RAB3C: variants seen among roughly 807,000 people sequenced by gnomAD.
RAB3C encodes the protein RAB3C, member RAS oncogene family, also known as ras-related protein Rab-3C.
A neutral mutation model predicts 26.4 loss-of-function variants in RAB3C; 17 were observed. The ratio of observed to expected loss-of-function variants is 0.64; its 90% CI spans 0.44 to 0.97. The LOEUF is 0.97. Ranked by LOEUF, RAB3C falls within the 50% of genes least tolerant of loss-of-function variation. The pLI, the probability that RAB3C is intolerant of heterozygous loss-of-function variation, is 0.00. For synonymous variants in RAB3C, 91 were observed against 95.9 expected, an observed-to-expected ratio of 0.95 and a Z score of 0.30; for missense variants, 242 against 281.9, an observed-to-expected ratio of 0.86 and a Z score of 1.01.
At chr5:58,613,592 AT>A (rs766681116) in intron 1 of RAB3C, among the ~76,000 whole-genome samples, 2 of 152,162 alleles carry the variant, frequency 1.3e-5, no homozygotes, top group Non-Finnish European at 2.9e-5. Flanking sequence ...TCATAAAAAA[AT>A]AAGTTGTCAA....
chr5:58,768,001 C>T (rs1252276690), intron 3 of RAB3C, among the ~76,000 whole-genome samples: 1 of 152,060 alleles, frequency 6.6e-6, no homozygotes, highest in Non-Finnish European at 1.5e-5. Context: ...AAAGCCAGCC[C>T]CTGACACAGT....
At chr5:58,712,164 AG>A (rs1366947303) in intron 2 of RAB3C, among the ~76,000 whole-genome samples, 1 of 152,052 alleles carries the variant, frequency 6.6e-6, no homozygotes. Context: ...TGATTTCTCT[AG>A]TACTTACGTC....
At chr5:58,651,387 A>G (rs1226981826) in intron 2 of RAB3C, among the ~76,000 whole-genome samples, 5 of 152,212 alleles carry the variant, frequency 3.3e-5, no homozygotes, top group African/African-American at 9.6e-5. Context: ...TAAAGTGACA[A>G]GGATGGTGGA....
In RAB3C at chr5:58,749,444, G is replaced by A. The variant is rs372826390; in HGVS notation, c.371+23324G>A. The stretch of plus-strand genomic sequence containing the variant: ...TTCACAAAAGAAAAAGACATATAAA[G>A]GATAAATTACAAGAGAATGCAATAA... On this transcript the variant is annotated intron_variant, in intron 3 of 4. Coordinates refer to ENST00000282878, the MANE Select transcript of RAB3C (RefSeq NM_138453.4). 4.6e-5 allele frequency among the ~76,000 whole-genome samples: 7 copies of A among 152,242 alleles called. No individual in the cohort carries two copies. In the South Asian group the frequency reaches 1.0e-3, roughly 23 times the overall value.
chr5:58,774,116 C>T (rs1742078917), intron 3 of RAB3C, among the ~76,000 whole-genome samples: 1 of 152,172 alleles, frequency 6.6e-6, no homozygotes, highest in Non-Finnish European at 1.5e-5. Flanking sequence ...TGTACCCCTA[C>T]TCCCTAGTGT....
intron 3 of RAB3C, among the ~76,000 whole-genome samples, chr5:58,734,175 T>C (rs1741087632): frequency 6.6e-6 from 1 of 152,212 alleles, no homozygotes; most frequent in African/African-American, 2.4e-5. Context: ...GAAACTAGAA[T>C]GAAATTTCAC....
chr5:58,605,739 A>C (rs1252604070), intron 1 of RAB3C, among the ~76,000 whole-genome samples: 1 of 152,100 alleles, frequency 6.6e-6, no homozygotes, highest in African/African-American at 2.4e-5. Flanking sequence ...TTCTACTAAA[A>C]ATACAAAAAT....
At chr5:58,806,242 G>A (rs917348560) in intron 3 of RAB3C, among the ~76,000 whole-genome samples, 4 of 152,132 alleles carry the variant, frequency 2.6e-5, no homozygotes, top group South Asian at 2.1e-4. Context: ...TGATGATAAC[G>A]TTAGTCCCAT....
At chr5:58,607,529 C>T (rs192103059) in intron 1 of RAB3C, among the ~76,000 whole-genome samples, 64 of 152,282 alleles carry the variant, frequency 4.2e-4, no homozygotes, top group African/African-American at 1.5e-3. Flanking sequence ...CCTAGCAAGG[C>T]AGGCCAACAT....
intron 3 of RAB3C, among the ~76,000 whole-genome samples, chr5:58,793,581 C>CTT (rs55954473): frequency 0.5 from 69,668 of 138,070 alleles, 18,713 homozygotes; most frequent in South Asian, 0.62. Flanking sequence ...CATTTTGCCA[C>CTT]TTTTTTTTTT....
intron 3 of RAB3C, among the ~76,000 whole-genome samples, chr5:58,774,447 A>G (rs564706070): frequency 3.9e-5 from 6 of 152,298 alleles, no homozygotes; most frequent in African/African-American, 9.6e-5. Context: ...GTCTCCTACA[A>G]CTAGTATGTC....
At chr5:58,823,113 A>C (rs1743380922) in intron 3 of RAB3C, 2 of 456,528 alleles carry the variant, frequency 4.4e-6, no homozygotes, top group Non-Finnish European at 8.4e-6. Context: ...ATCATGGGTC[A>C]GAATGATGCA....
intron 1 of RAB3C, among the ~76,000 whole-genome samples, chr5:58,616,196 A>G (rs1386135367): frequency 6.6e-6 from 1 of 152,194 alleles, no homozygotes; most frequent in Non-Finnish European, 1.5e-5. Context: ...TGTACAATAG[A>G]GTTTTCTGCA....
intron 1 of RAB3C, among the ~76,000 whole-genome samples, chr5:58,592,504 T>C (rs1278469918): frequency 6.6e-6 from 1 of 152,166 alleles, no homozygotes; most frequent in African/African-American, 2.4e-5. Flanking sequence ...TGTTTGTCTT[T>C]CACCTATGTA....
chr5:58,680,789 C>T (rs1157692525), intron 2 of RAB3C, among the ~76,000 whole-genome samples: 1 of 152,120 alleles, frequency 6.6e-6, no homozygotes, highest in Non-Finnish European at 1.5e-5. Flanking sequence ...ACTGTGGGCC[C>T]ATTCAGATAA....
intron 2 of RAB3C, among the ~76,000 whole-genome samples, chr5:58,638,969 C>T (rs1219854501): frequency 3.3e-5 from 5 of 151,450 alleles, no homozygotes; most frequent in Non-Finnish European, 5.9e-5. Flanking sequence ...CTGCATTTGC[C>T]AAGGCTTTTC....
At chr5:58,788,562 C>T (rs1742445277) in intron 3 of RAB3C, among the ~76,000 whole-genome samples, 1 of 152,058 alleles carries the variant, frequency 6.6e-6, no homozygotes, top group Admixed American at 6.6e-5. Flanking sequence ...GTTGCTGGAC[C>T]CTGCTTTAGT....
intron 2 of RAB3C, among the ~76,000 whole-genome samples, chr5:58,628,800 C>T (rs1002329200): frequency 1.4e-4 from 21 of 152,108 alleles, no homozygotes; most frequent in African/African-American, 4.3e-4. Flanking sequence ...AGGCTGAGCA[C>T]GCTCCCTGCT....
chr5:58,742,658 CTG>C (rs1741301656), intron 3 of RAB3C, among the ~76,000 whole-genome samples: 1 of 152,098 alleles, frequency 6.6e-6, no homozygotes, highest in Admixed American at 6.6e-5. Flanking sequence ...TTTTTATAAA[CTG>C]TGAATTTTAA....
Sources: gnomAD v4.1 joint callset for allele counts (sites outside exome capture counted in the v4.1 genomes callset) on GRCh38, gnomAD v4.1.1 for gene constraint, MANE v1.5 for transcripts, NCBI Gene and HGNC (gene_info 2026-07-23, HGNC 2026-07-21) for gene names.